KCNQ1: variants seen among roughly 807,000 people sequenced by gnomAD.
KCNQ1 encodes the protein potassium voltage-gated channel subfamily Q member 1, also known as potassium voltage-gated channel subfamily KQT member 1.
Under a neutral mutation model 72.4 loss-of-function variants are expected in KCNQ1, and 49 were observed. The observed-to-expected ratio is 0.68, with a 90% CI of 0.54 to 0.86. KCNQ1 has a LOEUF of 0.86. Ranked by LOEUF, KCNQ1 falls within the 40% of genes least tolerant of loss-of-function variation. The pLI is 0.00. For missense variants in KCNQ1, 790 were observed against 945.1 expected (o/e 0.84, Z 2.15); for synonymous variants, 450 against 412.6 (o/e 1.09, Z -1.10).
rs995772810 is a variant in KCNQ1 at position 2,762,300 on chromosome 11, G to A, written c.1515-6544G>A. Reference sequence around the variant, plus strand: ...AAGACGTCTTTGCCCATCCCAGGTCGTGAAAATATTATCCAACTTTCTTCG... The same window carrying A: ...AAGACGTCTTTGCCCATCCCAGGTCATGAAAATATTATCCAACTTTCTTCG... On this transcript the variant is annotated intron_variant, in intron 11 of 15. Coordinates refer to ENST00000155840, the MANE Select transcript of KCNQ1 (RefSeq NM_000218.3). This position sits in a 1 kb window ranked among gnomAD's most constrained non-coding sequence, Gnocchi z 4.3. Among the ~76,000 whole-genome samples, 2 of 152,168 alleles carry A rather than the reference G, an allele frequency of 1.3e-5. No homozygotes were observed. Among genetic ancestry groups the A allele is most frequent in the African/African-American group, 2.4e-5 (1 of 41,428 alleles).
intron 1 of KCNQ1, among the ~76,000 whole-genome samples, chr11:2,504,536 A>G (rs1039746053): frequency 1.2e-4 from 18 of 152,184 alleles, no homozygotes; most frequent in Non-Finnish European, 1.6e-4. Flanking sequence ...CATATGACTC[A>G]CTTAAGGCCA....
In KCNQ1 at chr11:2,658,549, A is replaced by T. The variant is rs1253517088; in HGVS notation, c.1394-3412A>T. Reference sequence around the variant, plus strand: ...GCTCATCTTTTATTTTCCCTACCCTAGCCCTAGAATCATCCATTCATCCAG... The same window carrying T: ...GCTCATCTTTTATTTTCCCTACCCTTGCCCTAGAATCATCCATTCATCCAG... On this transcript the variant is annotated intron_variant, in intron 10 of 15. Coordinates refer to ENST00000155840, the MANE Select transcript of KCNQ1 (RefSeq NM_000218.3). This position sits in a 1 kb window ranked among gnomAD's most constrained non-coding sequence, Gnocchi z 4.9. 114 of 389,090 alleles carry T rather than the reference A, an allele frequency of 2.9e-4. No homozygotes were observed. In the East Asian group the frequency reaches 4.1e-3, roughly 14 times the overall value. The allele number at this position is 389,090 out of a possible 1,614,324, so 24.1% of individuals were successfully genotyped here.
rs1355352696 is a variant in KCNQ1 at position 2,611,593 on chromosome 11, A to G, written c.1393+22739A>G. Reference sequence around the variant, plus strand: ...ATCTTTTTCCATCATTTTACTTTCAACTATGTCTTTGAATCTAGAATGTGA... The same window carrying G: ...ATCTTTTTCCATCATTTTACTTTCAGCTATGTCTTTGAATCTAGAATGTGA... On this transcript the variant is annotated intron_variant, in intron 10 of 15. Coordinates refer to ENST00000155840, the MANE Select transcript of KCNQ1 (RefSeq NM_000218.3). This position sits in a 1 kb window ranked among gnomAD's most constrained non-coding sequence, Gnocchi z 5.3. The G allele has an allele frequency of 1.8e-5, 7 of 398,230 alleles. No individual in the cohort carries two copies. The East Asian group carries it at 2.1e-4, about 12-fold the overall frequency. The allele number at this position is 398,230 out of a possible 1,614,324, so 24.7% of individuals were successfully genotyped here. A position where few individuals can be genotyped will look rare whatever the true frequency, so the allele number is the denominator to read the frequency against.
At chr11:2,655,925 C>G (rs1590010488) in intron 10 of KCNQ1, 1 of 398,662 alleles carries the variant, frequency 2.5e-6, no homozygotes, top group East Asian at 3.6e-5. Flanking sequence ...AGGATTAAAC[C>G]AAAAAGCACA....
rs550778890 is a variant in KCNQ1 at position 2,653,986 on chromosome 11, G to A, written c.1394-7975G>A. 4.6e-4 allele frequency: 184 copies of A among 398,694 alleles called. 2 individuals are homozygous for A. Among genetic ancestry groups the A allele is most frequent in the African/African-American group, 3.1e-3 (152 of 48,774 alleles). The allele number at this position is 398,694 out of a possible 1,614,324, so 24.7% of individuals were successfully genotyped here. A position where few individuals can be genotyped will look rare whatever the true frequency, so the allele number is the denominator to read the frequency against. ...ACTCAAGCAAGGTATTTTCCTAAGC[G>A]GAACTGGGTGCCAGCTGTGAATATA... On this transcript the variant is annotated intron_variant, in intron 10 of 15. Coordinates refer to ENST00000155840, the MANE Select transcript of KCNQ1 (RefSeq NM_000218.3). The surrounding 1 kb of genome is among the most constrained non-coding windows in gnomAD (Gnocchi z 5.3).
At chr11:2,530,034 A>G (rs1589932491) in intron 2 of KCNQ1, among the ~76,000 whole-genome samples, 1 of 152,028 alleles carries the variant, frequency 6.6e-6, no homozygotes, top group African/African-American at 2.4e-5. Context: ...TTCATGTCCT[A>G]TCACATTGTA....
At chr11:2,490,554 C>T (rs1846819141) in intron 1 of KCNQ1, among the ~76,000 whole-genome samples, 1 of 152,222 alleles carries the variant, frequency 6.6e-6, no homozygotes. Flanking sequence ...CACTCCTCCC[C>T]AAGCTTCAGG....
chr11:2,667,256 G>C (rs1370293031), intron 11 of KCNQ1: 1 of 398,552 alleles, frequency 2.5e-6, no homozygotes, highest in African/African-American at 2.1e-5. Flanking sequence ...ACGTGAGGAA[G>C]AAGCGGCTGG....
chr11:2,483,631 G>A lies in KCNQ1; in HGVS notation c.386+38147G>A, dbSNP rs541662796. Among the ~76,000 whole-genome samples the A allele has an allele frequency of 1.5e-4, 23 of 152,268 alleles. No individual in the cohort carries two copies. Among genetic ancestry groups the A allele is most frequent in the African/African-American group, 4.6e-4 (19 of 41,560 alleles). ...GTACTGGGCGGCTGTTTTGTAGAAC[G>A]TCCCTCGGTTTGGATTCTCTGATAT... is the stretch of plus-strand genomic sequence containing the variant. On this transcript the variant is annotated intron_variant, in intron 1 of 15. Coordinates refer to ENST00000155840, the MANE Select transcript of KCNQ1 (RefSeq NM_000218.3). This position sits in a 1 kb window ranked among gnomAD's most constrained non-coding sequence, Gnocchi z 6.1.
chr11:2,681,585 C>G (rs1457034648), intron 11 of KCNQ1: 1 of 398,422 alleles, frequency 2.5e-6, no homozygotes, highest in Non-Finnish European at 4.4e-6. Flanking sequence ...CAGGAAGTTT[C>G]TAGCTTGCTT....
rs1436507895 is a variant in KCNQ1, at chr11:2,588,437, T to C, written c.1252-276T>C. Among the ~76,000 whole-genome samples the C allele has an allele frequency of 6.6e-6, 1 of 152,174 alleles. No individual in the cohort carries two copies. The highest frequency in any genetic ancestry group is 2.1e-4 in the South Asian group (1 of 4,836). On this transcript the variant is annotated intron_variant, in intron 9 of 15. Coordinates refer to ENST00000155840, the MANE Select transcript of KCNQ1 (RefSeq NM_000218.3). This position sits in a 1 kb window ranked among gnomAD's most constrained non-coding sequence, Gnocchi z 5.6. ...TCACAGCCCCTGTTACCACCTCCAC[T>C]GGCACCATCTTGTACGTTTATCTGC...
rs546684245 is a variant in KCNQ1, at chr11:2,503,696, TAAA to T, written c.387-24227_387-24225del. Among the ~76,000 whole-genome samples, 337 of 149,894 alleles carry T rather than the reference TAAA, an allele frequency of 2.2e-3. 2 individuals carry two copies. Among genetic ancestry groups the T allele is most frequent in the African/African-American group, 8.2e-3 (329 of 39,996 alleles). The stretch of plus-strand genomic sequence containing the variant: ...CCTAAAACTTAAAGTATAATAATAA[TAAA>T]AAAACAAATGACAAATAAATAAATG... On this transcript the variant is annotated intron_variant, in intron 1 of 15. Coordinates refer to ENST00000155840, the MANE Select transcript of KCNQ1 (RefSeq NM_000218.3).
Position 2,673,312 on chromosome 11 carries a change from A to G in KCNQ1, c.1514+11231A>G. 2.5e-6 allele frequency: 1 copy of G among 398,784 alleles called. No individual in the cohort carries two copies. The allele number at this position is 398,784 out of a possible 1,614,324, so 24.7% of individuals were successfully genotyped here. On this transcript the variant is annotated intron_variant, in intron 11 of 15. Transcript: ENST00000155840. This position sits in a 1 kb window ranked among gnomAD's most constrained non-coding sequence, Gnocchi z 4.5. ...GAAATCTTGAGAGAAACAATCCCAC[A>G]GGCTACCAGGCCAGCTTTTGGAAAC...
Position 2,570,726 on chromosome 11 carries a change from C to A in KCNQ1, c.576C>A (p.Arg192=), listed in dbSNP as rs762267954. Reference sequence around the variant, plus strand: ...ACGTGGGCCTCTGGGGGCGGCTGCGCTTTGCCCGGAAGCCCATTTCCATCA... The same window carrying A: ...ACGTGGGCCTCTGGGGGCGGCTGCGATTTGCCCGGAAGCCCATTTCCATCA... ...SKYVGLWGRL[R]FARKPISIID... Residue 192 remains arginine (R), a synonymous_variant, in exon 3 of 16, where the codon CGC becomes CGA. Coordinates refer to ENST00000155840, the MANE Select transcript of KCNQ1 (RefSeq NM_000218.3). The A allele has an allele frequency of 6.2e-7, 1 of 1,611,924 alleles. No individual in the cohort carries two copies. The highest frequency in any genetic ancestry group is 8.5e-7 in the Non-Finnish European group (1 of 1,180,006).
chr11:2,554,805 T>C (rs1304944264), intron 2 of KCNQ1, among the ~76,000 whole-genome samples: 3 of 152,230 alleles, frequency 2.0e-5, no homozygotes, highest in Admixed American at 1.3e-4. Context: ...CCTTCTGAAG[T>C]TGTTCACATA....
intron 6 of KCNQ1, among the ~76,000 whole-genome samples, chr11:2,581,025 T>C (rs569062877): frequency 3.6e-4 from 55 of 152,278 alleles, no homozygotes; most frequent in Non-Finnish European, 7.5e-4. Context: ...AATAGGAGGT[T>C]GCTGGATGAA....
rs748475561 is a variant in KCNQ1, at chr11:2,676,694, C to T, written c.1514+14613C>T. 2.5e-5 allele frequency: 10 copies of T among 398,548 alleles called. No homozygotes were observed. Among genetic ancestry groups the T allele is most frequent in the Non-Finnish European group, 4.4e-5 (10 of 226,082 alleles). The allele number at this position is 398,548 out of a possible 1,614,324, so 24.7% of individuals were successfully genotyped here. ...TTCCAAGGGAGCACTAACTGGACTACAGCCTGGCAGGAGATAACCAAGTCA... is the reference window on the plus strand; with the variant it reads ...TTCCAAGGGAGCACTAACTGGACTATAGCCTGGCAGGAGATAACCAAGTCA... On this transcript the variant is annotated intron_variant, in intron 11 of 15. Coordinates refer to ENST00000155840, the MANE Select transcript of KCNQ1 (RefSeq NM_000218.3). This position sits in a 1 kb window ranked among gnomAD's most constrained non-coding sequence, Gnocchi z 4.2.
Position 2,682,553 on chromosome 11 carries a change from C to T in KCNQ1, c.1514+20472C>T, listed in dbSNP as rs571891922. On this transcript the variant is annotated intron_variant, in intron 11 of 15. Transcript: ENST00000155840. This position sits in a 1 kb window ranked among gnomAD's most constrained non-coding sequence, Gnocchi z 5.8. ...AGGTGCTAGGACCCTGGCAGGGGTTCCATAAGGCTATGCTGGGGTTCAGGC... is the reference window on the plus strand; with the variant it reads ...AGGTGCTAGGACCCTGGCAGGGGTTTCATAAGGCTATGCTGGGGTTCAGGC... The T allele has an allele frequency of 1.6e-4, 63 of 398,402 alleles. No individual in the cohort carries two copies. The highest frequency in any genetic ancestry group is 2.3e-4 in the Non-Finnish European group (53 of 226,068). The allele number at this position is 398,402 out of a possible 1,614,324, so 24.7% of individuals were successfully genotyped here.
rs539329075 is a variant in KCNQ1, at chr11:2,582,000, G to A, written c.922-1435G>A. ...GCATCCTGGCCATAAGCGAACGTGC[G>A]GTCAGGGCACTAGTGGGGCAGGGGC... is the stretch of plus-strand genomic sequence containing the variant. On this transcript the variant is annotated intron_variant, in intron 6 of 15. Coordinates refer to ENST00000155840, the MANE Select transcript of KCNQ1 (RefSeq NM_000218.3). 2.0e-5 allele frequency among the ~76,000 whole-genome samples: 3 copies of A among 152,350 alleles called. No homozygotes were observed. The East Asian group carries it at 5.8e-4, about 29-fold the overall frequency.
Sources: allele counts gnomAD v4.1 joint callset (sites outside exome capture counted in the v4.1 genomes callset), GRCh38; gene constraint gnomAD v4.1.1; non-coding constraint Gnocchi (gnomAD v3.1); transcripts MANE v1.5; gene names NCBI Gene and HGNC (gene_info 2026-07-23, HGNC 2026-07-21).